The following TAFA2 variants were observed in gnomAD, a reference collection of about 807,000 sequenced individuals.
TAFA2 encodes the protein TAFA chemokine like family member 2.
In TAFA2, 7 loss-of-function variants were observed where a neutral mutation model predicts 18.8. The observed-to-expected ratio is 0.37, with a 90% CI of 0.21 to 0.70. The LOEUF is 0.70. TAFA2 is among the 30% of genes least tolerant of loss of function. The pLI, the probability that TAFA2 is intolerant of heterozygous loss-of-function variation, is 0.53. For missense variants in TAFA2, 122 were observed against 158.1 expected (o/e 0.77, Z 1.23); for synonymous variants, 60 against 54.2 (o/e 1.11, Z -0.47).
chr12:61,918,004 T>C (rs925700928), intron 1 of TAFA2, among the ~76,000 whole-genome samples: 5 of 152,068 alleles, frequency 3.3e-5, no homozygotes, highest in Non-Finnish European at 7.4e-5. Context: ...ATAAGAACCA[T>C]GCTTATTTAT....
chr12:62,072,070 G>A (rs1295906079), intron 1 of TAFA2, among the ~76,000 whole-genome samples: 2 of 152,166 alleles, frequency 1.3e-5, no homozygotes, highest in Non-Finnish European at 2.9e-5. Flanking sequence ...TCCTGGCTTA[G>A]ACAAAGTTGC....
intron 4 of TAFA2, among the ~76,000 whole-genome samples, chr12:61,738,257 C>G (rs1232308656): frequency 1.3e-5 from 2 of 149,004 alleles, no homozygotes; most frequent in East Asian, 4.0e-4. Flanking sequence ...TTGCAACAGG[C>G]AAACAACTAC....
intron 2 of TAFA2, among the ~76,000 whole-genome samples, chr12:61,775,126 C>A (rs1870201792): frequency 6.6e-6 from 1 of 151,698 alleles, no homozygotes; most frequent in African/African-American, 2.4e-5. Flanking sequence ...TCACTATACA[C>A]CTCTTAGAAT....
intron 1 of TAFA2, among the ~76,000 whole-genome samples, chr12:62,026,607 C>T (rs545496414): frequency 6.6e-6 from 1 of 152,262 alleles, no homozygotes; most frequent in South Asian, 2.1e-4. Flanking sequence ...AGTGCTCATT[C>T]TGTCCAGCTT....
chr12:61,924,984 CAA>C (rs1291436214), intron 1 of TAFA2, among the ~76,000 whole-genome samples: 2 of 151,988 alleles, frequency 1.3e-5, no homozygotes, highest in African/African-American at 4.8e-5. Flanking sequence ...TCAAAAAAGA[CAA>C]AGAAGGGAAT....
intron 1 of TAFA2, among the ~76,000 whole-genome samples, chr12:62,127,132 T>C (rs945108281): frequency 2.6e-5 from 4 of 152,092 alleles, no homozygotes; most frequent in Non-Finnish European, 5.9e-5. Flanking sequence ...TATGTATTAC[T>C]ACATGTGGTC....
intron 1 of TAFA2, chr12:61,878,237 T>A: frequency 2.8e-6 from 1 of 355,370 alleles, no homozygotes; most frequent in South Asian, 2.2e-5. Flanking sequence ...TAAGTGGTAA[T>A]GTACAACATT....
Position 61,843,860 on chromosome 12 carries a change from G to C in TAFA2, c.106+23460C>G, listed in dbSNP as rs553393921. Among the ~76,000 whole-genome samples, 8 of 152,234 alleles carry C rather than the reference G, an allele frequency of 5.3e-5. No homozygotes were observed. In the East Asian group the frequency reaches 1.5e-3, roughly 29 times the overall value. On this transcript the variant is annotated intron_variant, in intron 2 of 4. Coordinates refer to ENST00000416284, the MANE Select transcript of TAFA2 (RefSeq NM_178539.5). ...GTGTTAACACATTCAGCTGAAGACT[G>C]GTCAGGAGCATTGTAAAGGGGAGTC... is the stretch of plus-strand genomic sequence containing the variant.
intron 1 of TAFA2, among the ~76,000 whole-genome samples, chr12:61,981,810 C>G (rs1879644766): frequency 6.6e-6 from 1 of 152,126 alleles, no homozygotes; most frequent in Non-Finnish European, 1.5e-5. Context: ...CATGAAACAA[C>G]AGATGCTGGA....
At chr12:62,198,932 C>A (rs1371751366) in intron 1 of TAFA2, among the ~76,000 whole-genome samples, 1 of 152,182 alleles carries the variant, frequency 6.6e-6, no homozygotes, top group East Asian at 1.9e-4. Context: ...ATGTGAGAAA[C>A]AACTGAGGCA....
In TAFA2 at chr12:62,256,361, A is replaced by G. The variant is rs185900613; in HGVS notation, c.-130+2402T>C. On this transcript the variant is annotated intron_variant, in intron 1 of 5. Transcript: ENST00000551619. ...AATTAAACTTTCTAGATCCTATAGG[A>G]CAGAAAATATAATTTTGTTTGCTCT... 6.4e-4 allele frequency among the ~76,000 whole-genome samples: 98 copies of G among 152,258 alleles called. 2 individuals are homozygous for G. In the East Asian group the frequency reaches 0.013, roughly 20 times the overall value.
intron 1 of TAFA2, among the ~76,000 whole-genome samples, chr12:61,931,219 G>A (rs1877540905): frequency 1.3e-5 from 2 of 152,044 alleles, no homozygotes; most frequent in Admixed American, 1.3e-4. Flanking sequence ...TCCATTTCAT[G>A]TGTTATCTTT....
intron 2 of TAFA2, among the ~76,000 whole-genome samples, chr12:61,802,379 T>C (rs1243816900): frequency 6.6e-6 from 1 of 151,960 alleles, no homozygotes. Flanking sequence ...AATGGGTGAA[T>C]GGATAAAGAA....
At chr12:62,086,215 A>G (rs1868446288) in intron 1 of TAFA2, among the ~76,000 whole-genome samples, 1 of 152,088 alleles carries the variant, frequency 6.6e-6, no homozygotes, top group African/African-American at 2.4e-5. Context: ...AACAGGAAAA[A>G]GCATCATGAC....
At chr12:61,955,059 T>C (rs912255576) in intron 1 of TAFA2, among the ~76,000 whole-genome samples, 1 of 152,120 alleles carries the variant, frequency 6.6e-6, no homozygotes. Context: ...CTTGATATGG[T>C]AGACTACATC....
intron 1 of TAFA2, among the ~76,000 whole-genome samples, chr12:61,920,046 AT>A (rs2121362927): frequency 6.6e-6 from 1 of 152,310 alleles, no homozygotes; most frequent in African/African-American, 2.4e-5. Context: ...TCTAATGGCA[AT>A]TTTTGAAGTA....
intron 2 of TAFA2, among the ~76,000 whole-genome samples, chr12:61,783,073 A>G (rs1870572857): frequency 6.6e-6 from 1 of 151,692 alleles, no homozygotes; most frequent in Non-Finnish European, 1.5e-5. Context: ...AGTTTTCAAC[A>G]TACTTTTACA....
At chr12:61,973,993 CAA>C (rs2136668354) in intron 1 of TAFA2, among the ~76,000 whole-genome samples, 1 of 151,366 alleles carries the variant, frequency 6.6e-6, no homozygotes, top group African/African-American at 2.4e-5. Context: ...TAAAACTCTC[CAA>C]AAAAAGAAGG....
chr12:62,252,640 A>T (rs1022704310), intron 1 of TAFA2: 4 of 152,186 alleles, frequency 2.6e-5, no homozygotes, highest in African/African-American at 7.2e-5. Flanking sequence ...GGTATACTGC[A>T]TAGGGTATTA....
Sources: gnomAD v4.1 joint callset for allele counts (sites outside exome capture counted in the v4.1 genomes callset) on GRCh38, gnomAD v4.1.1 for gene constraint, MANE v1.5 for transcripts, NCBI Gene and HGNC (gene_info 2026-07-23, HGNC 2026-07-21) for gene names.